Variants in ROBO1 observed in about 807,000 individuals in gnomAD.
The protein encoded by ROBO1 is roundabout homolog 1.
Under a neutral mutation model 195.9 loss-of-function variants are expected in ROBO1, and 149 were observed. The ratio of observed to expected loss-of-function variants is 0.76; its 90% CI spans 0.67 to 0.87. ROBO1 has a LOEUF of 0.87. Among genes scored for constraint, ROBO1 ranks in the 40% least tolerant of loss-of-function variants. The pLI is 0.00. For synonymous variants in ROBO1, 816 were observed against 733.2 expected (o/e 1.11, Z -1.82); for missense variants, 1,933 against 2,068.3 (o/e 0.93, Z 1.27).
chr3:79,625,238 C>T lies in ROBO1; in HGVS notation c.-50-35277G>A, dbSNP rs143318231. 5.4e-3 allele frequency among the ~76,000 whole-genome samples: 818 copies of T among 151,272 alleles called. 7 individuals are homozygous for T. Among genetic ancestry groups the T allele is most frequent in the African/African-American group, 0.019 (770 of 41,296 alleles). The stretch of plus-strand genomic sequence containing the variant: ...AATTTATAGCACTAAATGCCCACAT[C>T]GGAAAGCTAGAAAGATCTCAAATCA... On this transcript the variant is annotated intron_variant, in intron 1 of 30. Transcript: ENST00000464233.
chr3:78,961,576 G>A (rs1034121146), intron 3 of ROBO1, among the ~76,000 whole-genome samples: 3 of 152,032 alleles, frequency 2.0e-5, no homozygotes, highest in Admixed American at 6.6e-5. Flanking sequence ...ATTCTGAAGT[G>A]GGCACTATTA....
chr3:79,730,970 G>A (rs2107353331), intron 1 of ROBO1, among the ~76,000 whole-genome samples: 1 of 151,762 alleles, frequency 6.6e-6, no homozygotes, highest in South Asian at 2.1e-4. Flanking sequence ...GTAGAGACGG[G>A]GTTTCACTGT....
chr3:79,418,328 A>C (rs1227720962), intron 2 of ROBO1, among the ~76,000 whole-genome samples: 3 of 152,290 alleles, frequency 2.0e-5, no homozygotes, highest in Non-Finnish European at 4.4e-5. Flanking sequence ...GATGAACAAG[A>C]ACTCAAATCT....
At chr3:79,501,256 A>G (rs1354513199) in intron 2 of ROBO1, among the ~76,000 whole-genome samples, 1 of 152,150 alleles carries the variant, frequency 6.6e-6, no homozygotes, top group Non-Finnish European at 1.5e-5. Context: ...AGTCTAGCCA[A>G]TGTTTGCCTA....
chr3:79,029,661 A>G (rs2078259297), intron 3 of ROBO1, among the ~76,000 whole-genome samples: 1 of 152,230 alleles, frequency 6.6e-6, no homozygotes, highest in Non-Finnish European at 1.5e-5. Flanking sequence ...TGATTAAAGC[A>G]CGAGAACACA....
chr3:78,614,358 T>G (rs1703981287), intron 28 of ROBO1, among the ~76,000 whole-genome samples: 1 of 152,202 alleles, frequency 6.6e-6, no homozygotes. Flanking sequence ...CAACTATCAG[T>G]TTCAACTACA....
intron 3 of ROBO1, among the ~76,000 whole-genome samples, chr3:79,072,764 A>T (rs2079110501): frequency 6.6e-6 from 1 of 152,000 alleles, no homozygotes; most frequent in African/African-American, 2.4e-5. Context: ...AAATATAGCC[A>T]TCTATATCTT....
chr3:79,514,864 T>C (rs1940875612), intron 2 of ROBO1, among the ~76,000 whole-genome samples: 1 of 152,188 alleles, frequency 6.6e-6, no homozygotes, highest in African/African-American at 2.4e-5. Flanking sequence ...GAAACATGCT[T>C]TTGTTCTTAA....
intron 8 of ROBO1, among the ~76,000 whole-genome samples, chr3:78,707,559 A>C: frequency 6.6e-6 from 1 of 152,238 alleles, no homozygotes; most frequent in East Asian, 1.9e-4. Flanking sequence ...TTTATAGTTA[A>C]AAGAAAGCTG....
At chr3:79,525,169 A>C (rs1941374897) in intron 2 of ROBO1, among the ~76,000 whole-genome samples, 1 of 151,566 alleles carries the variant, frequency 6.6e-6, no homozygotes, top group South Asian at 2.1e-4. Flanking sequence ...AATTGGAGAA[A>C]GCTATAATAA....
intron 2 of ROBO1, among the ~76,000 whole-genome samples, chr3:79,554,937 GA>G (rs1942646132): frequency 6.6e-6 from 1 of 152,002 alleles, no homozygotes; most frequent in Non-Finnish European, 1.5e-5. Flanking sequence ...AATATTTGTT[GA>G]AAATGTCTAA....
At chr3:79,344,356 G>T (rs1205352935) in intron 2 of ROBO1, among the ~76,000 whole-genome samples, 2 of 152,110 alleles carry the variant, frequency 1.3e-5, no homozygotes, top group African/African-American at 4.8e-5. Context: ...CAAGTGATAT[G>T]CTAACAGTCC....
chr3:79,301,591 A>G (rs961015563), intron 2 of ROBO1, among the ~76,000 whole-genome samples: 3 of 152,220 alleles, frequency 2.0e-5, no homozygotes, highest in African/African-American at 7.2e-5. Flanking sequence ...ATGTTTCATT[A>G]GCTCACTTAA....
At position 78,777,495 on chromosome 3, in the gene ROBO1, A is replaced by G. The variant is rs150847757; in HGVS notation, c.500-30595T>C. ...CTTATCACTATTGCTATTGAAACTG[A>G]TAGATATAATGTAAACCAGCATTCT... On this transcript the variant is annotated intron_variant, in intron 4 of 30. Transcript: ENST00000464233. 1.2e-4 allele frequency among the ~76,000 whole-genome samples: 18 copies of G among 152,312 alleles called. No individual in the cohort carries two copies. The South Asian group carries it at 1.4e-3, about 12-fold the overall frequency.
In ROBO1 at chr3:78,717,837, G is replaced by C. The variant is rs898830954; in HGVS notation, c.704C>G (p.Ala235Gly). The C allele has an allele frequency of 1.9e-6, 3 of 1,613,512 alleles. No homozygotes were observed. Among genetic ancestry groups the C allele is most frequent in the Non-Finnish European group, 2.5e-6 (3 of 1,179,730 alleles). The change falls in exon 6 of 31, where the codon GCT (alanine) becomes GGT (glycine). Residue 235 changes from alanine to glycine, a missense_variant. Ala to Gly is a moderately conservative substitution (Grantham distance 60, BLOSUM62 0). This residue lies in a region of ROBO1 where 1,737 missense variants were observed against 1,882.5 expected (regional missense o/e 0.92). Coordinates refer to ENST00000464233, the MANE Select transcript of ROBO1 (RefSeq NM_002941.4). ...GGTACCAACACAAACATATTTGCCA[G>C]CGTCACTTTTACGGGTGTAAGTGAT... is the stretch of plus-strand genomic sequence containing the variant. ...LMITYTRKSD[A>G]GKYVCVGTNM...
At chr3:79,127,608 G>C (rs774892721) in intron 2 of ROBO1, among the ~76,000 whole-genome samples, 1 of 152,116 alleles carries the variant, frequency 6.6e-6, no homozygotes, top group Non-Finnish European at 1.5e-5. Flanking sequence ...AATTAAATCA[G>C]CGTGTCTACA....
intron 27 of ROBO1, among the ~76,000 whole-genome samples, chr3:78,616,558 A>T (rs958583900): frequency 6.6e-5 from 10 of 152,142 alleles, no homozygotes; most frequent in African/African-American, 2.4e-4. Flanking sequence ...CACTGATAAA[A>T]AATAATGGCC....
At chr3:79,496,212 CAAAAAAA>C (rs751339145) in intron 2 of ROBO1, among the ~76,000 whole-genome samples, 145 of 56,252 alleles carry the variant, frequency 2.6e-3, no homozygotes, top group Middle Eastern at 0.013. Flanking sequence ...GACTCTGTCT[CAAAAAAA>C]AAAAAAAAAA....
chr3:79,648,327 C>T (rs189156119), intron 1 of ROBO1, among the ~76,000 whole-genome samples: 100 of 152,062 alleles, frequency 6.6e-4, no homozygotes, highest in African/African-American at 2.2e-3. Flanking sequence ...AACTTGACTC[C>T]GCTGCAGTAA....
Sources: allele counts gnomAD v4.1 joint callset (sites outside exome capture counted in the v4.1 genomes callset), GRCh38; gene constraint gnomAD v4.1.1; regional missense constraint gnomAD v4.1.1; transcripts MANE v1.5; gene names NCBI Gene and HGNC (gene_info 2026-07-23, HGNC 2026-07-21).